Variants in KIAA0586 observed in about 807,000 individuals in gnomAD.
The protein encoded by KIAA0586 is KIAA0586, also known as protein TALPID3.
KIAA0586 carries 144 observed loss-of-function variants against 169.8 expected under a neutral mutation model. That is an observed-to-expected ratio of 0.85 (90% CI 0.74 to 0.97). KIAA0586 has a LOEUF of 0.97. Among genes scored for constraint, KIAA0586 ranks in the 50% least tolerant of loss-of-function variants. The pLI is 0.00. For synonymous variants in KIAA0586, 625 were observed against 612.4 expected (o/e 1.02, Z -0.30); for missense variants, 1,854 against 1,823.0 (o/e 1.02, Z -0.31).
At chr14:58,436,932 T>G (rs2037870124) in intron 4 of KIAA0586, among the ~76,000 whole-genome samples, 1 of 152,176 alleles carries the variant, frequency 6.6e-6, no homozygotes, top group Admixed American at 6.5e-5. Flanking sequence ...GGTTATGAAC[T>G]CCCCTAAAGG....
At chr14:58,521,111 C>A in intron 29 of KIAA0586, 1 of 467,894 alleles carries the variant, frequency 2.1e-6, no homozygotes, top group South Asian at 2.2e-5. Flanking sequence ...CCACATAGTA[C>A]CCGGGAATAG....
At chr14:58,458,760 A>G (rs925390047) in intron 12 of KIAA0586, among the ~76,000 whole-genome samples, 12 of 152,154 alleles carry the variant, frequency 7.9e-5, no homozygotes, top group South Asian at 2.1e-4. Flanking sequence ...TATTTGGCAA[A>G]TTGTTGGACA....
intron 21 of KIAA0586, among the ~76,000 whole-genome samples, chr14:58,484,103 G>A (rs2042212378): frequency 1.3e-5 from 2 of 152,216 alleles, no homozygotes; most frequent in South Asian, 4.1e-4. Flanking sequence ...CCAGTGTAAA[G>A]AGCTTGGATT....
chr14:58,555,103 T>TC (rs993540903), downstream of KIAA0586, among the ~76,000 whole-genome samples: 11 of 143,094 alleles, frequency 7.7e-5, no homozygotes, highest in South Asian at 2.3e-3. Context: ...TTCTTTCTTT[T>TC]TTTTTTTTTT....
chr14:58,519,729 T>C (rs1269787241), intron 29 of KIAA0586, among the ~76,000 whole-genome samples: 1 of 152,334 alleles, frequency 6.6e-6, no homozygotes, highest in African/African-American at 2.4e-5. Context: ...CTGTTTCTTA[T>C]TTAAGAGAGC....
chr14:58,505,026 C>T (rs1179581044), intron 27 of KIAA0586, among the ~76,000 whole-genome samples: 4 of 152,138 alleles, frequency 2.6e-5, no homozygotes, highest in African/African-American at 7.2e-5. Flanking sequence ...AGCTATTACG[C>T]ACTTTTTGAG....
intron 30 of KIAA0586, 30 bp from the exon 31 acceptor site, chr14:58,547,751 T>C (rs1595566063): frequency 6.3e-7 from 1 of 1,596,788 alleles, no homozygotes; most frequent in African/African-American, 1.3e-5. Context: ...GTTACGCATG[T>C]TGAGCTGAAT....
At chr14:58,545,830 G>C (rs1385458319) in intron 30 of KIAA0586, among the ~76,000 whole-genome samples, 1 of 151,966 alleles carries the variant, frequency 6.6e-6, no homozygotes, top group Non-Finnish European at 1.5e-5. Context: ...AAAGGAGTTT[G>C]AGACCAGCCC....
chr14:58,461,083 A>G lies in KIAA0586; in HGVS notation c.1982A>G (p.Lys661Arg). 1 of 1,612,520 alleles carries G rather than the reference A, an allele frequency of 6.2e-7. No individual in the cohort carries two copies. Reference sequence around the variant, plus strand: ...CAGGGCCATCGAAGCACTCTTAAAAAAGGACCATATCTCAGATTTAATTCT... The same window carrying G: ...CAGGGCCATCGAAGCACTCTTAAAAGAGGACCATATCTCAGATTTAATTCT... ...VYQGHRSTLK[K>R]GPYLRFNSPS... Residue 661 changes from lysine to arginine, a missense_variant, in exon 14 of 31, where the codon AAA (lysine) becomes AGA (arginine). Physicochemically the swap from Lys to Arg is conservative, Grantham distance 26 (BLOSUM62 2). Coordinates refer to ENST00000652326, the MANE Select transcript of KIAA0586 (RefSeq NM_001329943.3).
At chr14:58,505,825 G>C (rs924558738) in intron 27 of KIAA0586, among the ~76,000 whole-genome samples, 1 of 151,884 alleles carries the variant, frequency 6.6e-6, no homozygotes, top group South Asian at 2.1e-4. Flanking sequence ...TCTACTATTT[G>C]TATTGTAAAT....
chr14:58,537,157 C>T, intron 29 of KIAA0586: 1 of 1,073,336 alleles, frequency 9.3e-7, no homozygotes, highest in Non-Finnish European at 1.1e-6. Context: ...CGTAAATCAA[C>T]AAGTGAGAAT....
intron 29 of KIAA0586, among the ~76,000 whole-genome samples, chr14:58,518,951 G>A (rs550600407): frequency 3.3e-5 from 5 of 152,308 alleles, no homozygotes; most frequent in African/African-American, 9.6e-5. Context: ...GGCCAACATG[G>A]CAAAACCCCG....
At chr14:58,435,141 G>A (rs776015374) in intron 4 of KIAA0586, among the ~76,000 whole-genome samples, 3 of 152,028 alleles carry the variant, frequency 2.0e-5, no homozygotes, top group Non-Finnish European at 4.4e-5. Flanking sequence ...GTCTAATAAT[G>A]TTTCAAGCTT....
At position 58,483,602 on chromosome 14, in the gene KIAA0586, C is replaced by T. The variant is rs147363776; in HGVS notation, c.3144+890C>T. The stretch of plus-strand genomic sequence containing the variant: ...AATCAAGATATAGCCAAGGATCATA[C>T]ATTGCTTTGCGTTATTATATGAACT... On this transcript the variant is annotated intron_variant, in intron 21 of 30. Coordinates refer to ENST00000652326, the MANE Select transcript of KIAA0586 (RefSeq NM_001329943.3). Among the ~76,000 whole-genome samples the T allele has an allele frequency of 2.1e-4, 32 of 152,170 alleles. No individual in the cohort carries two copies. The East Asian group carries it at 5.8e-3, about 28-fold the overall frequency.
the KIAA0586 span, among the ~76,000 whole-genome samples, chr14:58,557,899 A>ATTTTTTTTTTTT: frequency 1.1e-4 from 5 of 46,610 alleles, no homozygotes; most frequent in African/African-American, 3.9e-4. Context: ...ATCCTGAGAA[A>ATTTTTTTTTTTT]TCTTTTTTTT....
At chr14:58,442,597 A>C in intron 4 of KIAA0586, 109 bp from the exon 5 acceptor site, 1 of 767,538 alleles carries the variant, frequency 1.3e-6, no homozygotes, top group South Asian at 2.3e-5. Context: ...TAGGTGATTT[A>C]ATTAAAAAAA....
chr14:58,556,755 T>A, the KIAA0586 span, among the ~76,000 whole-genome samples: 1 of 152,202 alleles, frequency 6.6e-6, no homozygotes, highest in South Asian at 2.1e-4. Flanking sequence ...GTTTGTTTGT[T>A]TGTTTTTGAG....
chr14:58,545,783 A>G (rs1227909475), intron 30 of KIAA0586, among the ~76,000 whole-genome samples: 4 of 152,156 alleles, frequency 2.6e-5, no homozygotes, highest in African/African-American at 9.7e-5. Flanking sequence ...TGGGAGGCTG[A>G]AGAAGGAGGA....
chr14:58,509,425 CA>C (rs1458976305), intron 28 of KIAA0586, among the ~76,000 whole-genome samples: 3 of 151,956 alleles, frequency 2.0e-5, no homozygotes, highest in Non-Finnish European at 4.4e-5. Flanking sequence ...TGAGGTAAGC[CA>C]ATGGCCCATG....
Sources: gnomAD v4.1 joint callset for allele counts (sites outside exome capture counted in the v4.1 genomes callset) on GRCh38, gnomAD v4.1.1 for gene constraint, MANE v1.5 for transcripts, NCBI Gene and HGNC (gene_info 2026-07-23, HGNC 2026-07-21) for gene names.